Variants in ADCY10 observed in about 807,000 individuals in gnomAD.
The protein encoded by ADCY10 is adenylate cyclase type 10.
A neutral mutation model predicts 183.3 loss-of-function variants in ADCY10; 156 were observed. That is an observed-to-expected ratio of 0.85 (90% confidence interval 0.75 to 0.97). The LOEUF (loss-of-function observed/expected upper bound fraction) is 0.97, where lower values mean the gene tolerates loss of function less well. Ranked by LOEUF, ADCY10 falls within the 50% of genes least tolerant of loss-of-function variation. The pLI, the probability that ADCY10 is intolerant of heterozygous loss-of-function variation, is 0.00. For missense variants in ADCY10, 1,745 were observed against 1,934.3 expected, an observed-to-expected ratio of 0.90 and a Z score of 1.84; for synonymous variants, 645 against 670.0, an observed-to-expected ratio of 0.96 and a Z score of 0.58.
rs755550861 is a variant in ADCY10, at chr1:167,902,018, G to A, written c.290C>T (p.Ala97Val). The A allele has an allele frequency of 2.5e-6, 4 of 1,610,984 alleles. No homozygotes were observed. The highest frequency in any genetic ancestry group is 3.4e-6 in the Non-Finnish European group (4 of 1,179,584). ...TCTATCTTAGTAAGCCCCCATACCT[G>A]CAAATTTCAGGATGTCTCCTCCAAA... ...LIFGGDILKFAGDALLALWRV... is the reference protein window; with the variant it reads ...LIFGGDILKFVGDALLALWRV... Residue 97 changes from alanine (A) to valine (V), a missense_variant and splice_region_variant, in exon 4 of 33, where the codon GCA becomes GTA. Transcript: ENST00000367851.
chr1:167,882,697 TGTAGTGAGAGGTAGCCCAGC>T (rs67452660), intron 9 of ADCY10, among the ~76,000 whole-genome samples: 46,432 of 151,620 alleles, frequency 0.31, 7,393 homozygotes, highest in Middle Eastern at 0.38. Flanking sequence ...GAGACTTATG[TGTAGTGAGAGGTAGCCCAGC>T]GTAGTGAGAG....
At chr1:167,830,715 A>G (rs113186743) in intron 25 of ADCY10, among the ~76,000 whole-genome samples, 2,512 of 152,204 alleles carry the variant, frequency 0.017, 66 homozygotes, top group African/African-American at 0.057. Context: ...ATTTTTAACT[A>G]TTGCATTTTG....
intron 29 of ADCY10, among the ~76,000 whole-genome samples, 193 bp from the exon 30 acceptor site, chr1:167,822,334 G>A (rs572756498): frequency 6.6e-6 from 1 of 152,272 alleles, no homozygotes; most frequent in South Asian, 2.1e-4. Flanking sequence ...ACCTATTGGG[G>A]AGTGTTATGG....
chr1:167,876,906 G>A (rs917238342), intron 12 of ADCY10, among the ~76,000 whole-genome samples: 8 of 152,136 alleles, frequency 5.3e-5, no homozygotes, highest in Non-Finnish European at 7.3e-5. Context: ...GGACAAACAT[G>A]CTGGATGGAA....
chr1:167,842,999 CAA>C (rs902846188), intron 21 of ADCY10, among the ~76,000 whole-genome samples: 1 of 152,144 alleles, frequency 6.6e-6, no homozygotes, highest in African/African-American at 2.4e-5. Flanking sequence ...AGGGAATTTA[CAA>C]AGTCTCTAAA....
intron 26 of ADCY10, among the ~76,000 whole-genome samples, chr1:167,825,168 G>A (rs1476075): frequency 0.58 from 87,487 of 152,082 alleles, 25,744 homozygotes; most frequent in African/African-American, 0.67. Context: ...AAGGCTGCAA[G>A]GATACACTCC....
intron 29 of ADCY10, 125 bp downstream of exon 29, chr1:167,822,883 C>T: frequency 3.7e-6 from 3 of 821,060 alleles, no homozygotes; most frequent in Admixed American, 1.9e-5. Context: ...TCTCTCCATC[C>T]CTGCCCTGTA....
At chr1:167,852,304 G>A (rs534117717) in intron 18 of ADCY10, among the ~76,000 whole-genome samples, 15 of 152,114 alleles carry the variant, frequency 9.9e-5, no homozygotes, top group South Asian at 4.1e-4. Flanking sequence ...TTAGCTGGGC[G>A]GTAGTGGTGC....
rs577265763 is a variant in ADCY10, at chr1:167,854,402, T to C, written c.2259A>G (p.Gln753=). ...TTGTCTTTTCCTCAGACTCCGTTTG[T>C]TGGAAAACGAGTACCTCATGATGTT... ...NLEHHEVLVF[Q]QTESEEKTNR... is the part of the protein sequence containing the mutation. Residue 753 remains glutamine, a synonymous_variant, in exon 18 of 33, where the codon CAA becomes CAG. Coordinates refer to ENST00000367851, the MANE Select transcript of ADCY10 (RefSeq NM_018417.6). 44 of 1,614,080 alleles carry C rather than the reference T, an allele frequency of 2.7e-5. No homozygotes were observed. The South Asian group carries it at 3.8e-4, about 14-fold the overall frequency.
intron 31 of ADCY10, among the ~76,000 whole-genome samples, chr1:167,817,378 T>C (rs565442194): frequency 6.6e-6 from 1 of 152,202 alleles, no homozygotes; most frequent in South Asian, 2.1e-4. Flanking sequence ...GTGGGTGTTG[T>C]TTTAAGCTGT....
chr1:167,882,222 T>C (rs913019751), intron 9 of ADCY10, among the ~76,000 whole-genome samples: 12 of 152,164 alleles, frequency 7.9e-5, no homozygotes, highest in African/African-American at 2.4e-4. Context: ...CAGTGGCTCA[T>C]GCCTGTAATC....
At chr1:167,835,074 T>C (rs1390893927) in intron 23 of ADCY10, among the ~76,000 whole-genome samples, 1 of 152,204 alleles carries the variant, frequency 6.6e-6, no homozygotes, top group Non-Finnish European at 1.5e-5. Context: ...GGAGGGTTGA[T>C]TAGGCTGCTG....
rs183146544 is a variant in ADCY10, at chr1:167,900,332, T to C, written c.437-704A>G. Among the ~76,000 whole-genome samples, 1,067 of 152,274 alleles carry C rather than the reference T, an allele frequency of 7.0e-3. 5 individuals are homozygous for C. Among genetic ancestry groups the C allele is most frequent in the Admixed American group, 0.014 (214 of 15,286 alleles). On this transcript the variant is annotated intron_variant, in intron 5 of 32. Coordinates refer to ENST00000367851, the MANE Select transcript of ADCY10 (RefSeq NM_018417.6). ...TTCTACATACAGTTTGTTTTCTATC[T>C]GAAACACACTGATGTTTGGACTTAC... is the stretch of plus-strand genomic sequence containing the variant.
intron 31 of ADCY10, among the ~76,000 whole-genome samples, chr1:167,811,742 GC>G (rs1662224611): frequency 6.6e-6 from 1 of 152,176 alleles, no homozygotes; most frequent in African/African-American, 2.4e-5. Flanking sequence ...GGGAACCAGT[GC>G]CAGGCTAGAA....
Position 167,809,549 on chromosome 1 carries a change from C to T in ADCY10, c.*129G>A, listed in dbSNP as rs1296284781. 1 of 1,018,238 alleles carries T rather than the reference C, an allele frequency of 9.8e-7. No homozygotes were observed. The highest frequency in any genetic ancestry group is 1.5e-6 in the Non-Finnish European group (1 of 662,460). 63.1% of individuals were successfully genotyped at this position (1,018,238 alleles called of 1,614,324 possible). On this transcript the variant is annotated 3_prime_UTR_variant, in exon 33 of 33. Coordinates refer to ENST00000367851, the MANE Select transcript of ADCY10 (RefSeq NM_018417.6). ...GCCCTCCAGAAAGAGAAGAAATCAA[C>T]ATGTCTGTTTCTGTGTCTGGAACAG...
chr1:167,873,076 A>G (rs572025684), intron 13 of ADCY10, among the ~76,000 whole-genome samples: 43 of 151,238 alleles, frequency 2.8e-4, no homozygotes, highest in Middle Eastern at 3.4e-3. Flanking sequence ...TCTCAAAAGA[A>G]AAAAAAAAGA....
At chr1:167,884,773 C>T (rs923813182) in intron 8 of ADCY10, among the ~76,000 whole-genome samples, 1 of 149,928 alleles carries the variant, frequency 6.7e-6, no homozygotes, top group African/African-American at 2.5e-5. Context: ...TCTCGGCTCA[C>T]TGCAACCTCT....
intron 1 of ADCY10, among the ~76,000 whole-genome samples, chr1:167,913,027 C>T (rs776348445): frequency 1.3e-5 from 2 of 152,184 alleles, no homozygotes; most frequent in African/African-American, 4.8e-5. Flanking sequence ...ATGACCTAGA[C>T]AAAAGATGTA....
rs57419373 is a variant in ADCY10, at chr1:167,896,502, G to A, written c.739+93C>T. On this transcript the variant is annotated intron_variant, in intron 7 of 32. Coordinates refer to ENST00000367851, the MANE Select transcript of ADCY10 (RefSeq NM_018417.6). The stretch of plus-strand genomic sequence containing the variant: ...TAAGGACCAGGAGCTGTGTTGAGGA[G>A]CCCACCCACCAGTAATGAAGCTGTC... 65,045 of 1,012,916 alleles carry A rather than the reference G, an allele frequency of 0.064. 2,456 individuals carry two copies. Among genetic ancestry groups the A allele is most frequent in the Middle Eastern group, 0.084 (406 of 4,836 alleles). The allele number at this position is 1,012,916 out of a possible 1,614,324, so 62.7% of individuals were successfully genotyped here. A position where few individuals can be genotyped will look rare whatever the true frequency, so the allele number is the denominator to read the frequency against.
Sources: gnomAD v4.1 joint callset for allele counts (sites outside exome capture counted in the v4.1 genomes callset) on GRCh38, gnomAD v4.1.1 for gene constraint, MANE v1.5 for transcripts, NCBI Gene and HGNC (gene_info 2026-07-23, HGNC 2026-07-21) for gene names.